The following AOPEP variants were observed in gnomAD, a reference collection of about 807,000 sequenced individuals.
AOPEP encodes aminopeptidase O (putative).
AOPEP carries 77 observed loss-of-function variants against 98.1 expected under a neutral mutation model. That is an observed-to-expected ratio of 0.78 (90% CI 0.65 to 0.95). The LOEUF is 0.95. Among genes scored for constraint, AOPEP ranks in the 40% least tolerant of loss-of-function variants. AOPEP has a pLI of 0.00. For synonymous variants in AOPEP, 346 were observed against 365.3 expected, an observed-to-expected ratio of 0.95 and a Z score of 0.60; for missense variants, 1,024 against 1,024.7, an observed-to-expected ratio of 1.00 and a Z score of 0.01.
chr9:94,785,529 A>G (rs1193346837), intron 3 of AOPEP, among the ~76,000 whole-genome samples: 1 of 152,196 alleles, frequency 6.6e-6, no homozygotes, highest in Non-Finnish European at 1.5e-5. Context: ...TCAGAAGTCC[A>G]GCTTTACAGA....
At chr9:95,085,091 C>G (rs577391593) in intron 16 of AOPEP, 1 of 372,690 alleles carries the variant, frequency 2.7e-6, no homozygotes, top group African/African-American at 2.1e-5. Flanking sequence ...GCCAACTAAA[C>G]GAACAACAAA....
chr9:95,031,028 G>T (rs1013897610), intron 13 of AOPEP, among the ~76,000 whole-genome samples: 3 of 152,148 alleles, frequency 2.0e-5, no homozygotes, highest in Non-Finnish European at 4.4e-5. Flanking sequence ...CCACTATGTT[G>T]TCTGGCCTGG....
At chr9:95,004,214 GC>G in intron 11 of AOPEP, 1 of 456,268 alleles carries the variant, frequency 2.2e-6, no homozygotes. Flanking sequence ...GCGGGTTCCA[GC>G]AACTGCTGAT....
chr9:94,771,463 T>C (rs1464215315), intron 2 of AOPEP, among the ~76,000 whole-genome samples: 2 of 152,138 alleles, frequency 1.3e-5, no homozygotes, highest in African/African-American at 2.4e-5. Context: ...TATCATGGCA[T>C]GTATACTTGT....
chr9:94,774,562 T>G (rs1189437740), intron 3 of AOPEP, among the ~76,000 whole-genome samples: 1 of 152,162 alleles, frequency 6.6e-6, no homozygotes. Context: ...TTACAGGTCG[T>G]TAAATATTTT....
chr9:94,911,107 G>C (rs778742147), intron 5 of AOPEP, among the ~76,000 whole-genome samples: 3 of 152,152 alleles, frequency 2.0e-5, no homozygotes, highest in Non-Finnish European at 1.5e-5. Context: ...TCCCCTGGAA[G>C]ACCCCAGTAC....
At position 94,980,424 on chromosome 9, in the gene AOPEP, A is replaced by G. The variant is rs59630616; in HGVS notation, c.1977+997A>G. On this transcript the variant is annotated intron_variant, in intron 11 of 16. Transcript: ENST00000375315. This position sits in a 1 kb window ranked among gnomAD's most constrained non-coding sequence, Gnocchi z 4.3. ...GGTTTCTGGTTTCATGGCTGGTTACATGAGCTTCCCCTTAGGAGGGTCTCA... is the reference window on the plus strand; with the variant it reads ...GGTTTCTGGTTTCATGGCTGGTTACGTGAGCTTCCCCTTAGGAGGGTCTCA... Among the ~76,000 whole-genome samples, 11,840 of 152,260 alleles carry G rather than the reference A, an allele frequency of 0.078. 1,160 individuals carry two copies. The highest frequency in any genetic ancestry group is 0.23 in the African/African-American group (9,411 of 41,528).
At chr9:94,978,528 G>A (rs1481633504) in intron 10 of AOPEP, among the ~76,000 whole-genome samples, 2 of 152,134 alleles carry the variant, frequency 1.3e-5, no homozygotes, top group Non-Finnish European at 2.9e-5. Context: ...CAGAGAACAG[G>A]GCGTGTGACA....
At chr9:95,052,358 GTTATTCCTTGT>G (rs2066455684) in intron 13 of AOPEP, among the ~76,000 whole-genome samples, 1 of 152,088 alleles carries the variant, frequency 6.6e-6, no homozygotes, top group Non-Finnish European at 1.5e-5. Context: ...TTTGAACTCG[GTTATTCCTTGT>G]TTAAACTCAA....
At chr9:94,808,064 A>G (rs1849631576) in intron 5 of AOPEP, among the ~76,000 whole-genome samples, 1 of 143,406 alleles carries the variant, frequency 7.0e-6, no homozygotes, top group Admixed American at 7.0e-5. Flanking sequence ...TTTTTTTGAG[A>G]CGGAGTCTCA....
chr9:94,835,494 C>T (rs977640474), intron 5 of AOPEP, among the ~76,000 whole-genome samples: 3 of 152,106 alleles, frequency 2.0e-5, no homozygotes, highest in African/African-American at 7.2e-5. Context: ...AAATAATAAC[C>T]TCTATTTTTT....
chr9:94,869,971 ATTTTTTTTTTTTTTTT>A (rs10556167), intron 5 of AOPEP, among the ~76,000 whole-genome samples: 26 of 93,554 alleles, frequency 2.8e-4, no homozygotes, highest in African/African-American at 1.0e-3. Flanking sequence ...GAAGCCATGA[ATTTTTTTTTTTTTTTT>A]TTTTTTTTTT....
At position 94,972,225 on chromosome 9, in the gene AOPEP, T is replaced by C. The variant is rs899683830; in HGVS notation, c.1916+4424T>C. Among the ~76,000 whole-genome samples the C allele has an allele frequency of 6.6e-6, 1 of 152,158 alleles. No homozygotes were observed. The highest frequency in any genetic ancestry group is 1.5e-5 in the Non-Finnish European group (1 of 68,030). On this transcript the variant is annotated intron_variant, in intron 10 of 16. Coordinates refer to ENST00000375315, the MANE Select transcript of AOPEP (RefSeq NM_001193329.3). This position sits in a 1 kb window ranked among gnomAD's most constrained non-coding sequence, Gnocchi z 4.2. ...GTGAAAGTTGAGTCCGACCTTTCTT[T>C]CTTAGCCACTAAGTCACACTCTGAA...
At chr9:95,122,702 AAAAG>A in the AOPEP span, among the ~76,000 whole-genome samples, 1 of 152,182 alleles carries the variant, frequency 6.6e-6, no homozygotes, top group African/African-American at 2.4e-5. Flanking sequence ...GCTAAGAAGA[AAAAG>A]AGGCGCGAGC....
At chr9:94,926,497 C>T (rs541390844) in intron 6 of AOPEP, among the ~76,000 whole-genome samples, 2 of 152,232 alleles carry the variant, frequency 1.3e-5, no homozygotes, top group South Asian at 2.1e-4. Flanking sequence ...GCAAAATTGC[C>T]ATTCTAGATT....
At chr9:94,795,680 G>A (rs1229612075) in intron 4 of AOPEP, among the ~76,000 whole-genome samples, 2 of 152,182 alleles carry the variant, frequency 1.3e-5, no homozygotes, top group Non-Finnish European at 2.9e-5. Context: ...CTGACTCTGT[G>A]CTCTCTCCTT....
chr9:94,732,615 A>G (rs1830811065), intron 1 of AOPEP, among the ~76,000 whole-genome samples: 1 of 152,212 alleles, frequency 6.6e-6, no homozygotes, highest in African/African-American at 2.4e-5. Context: ...GAGGATTTCT[A>G]AGAAAAAGAT....
At chr9:95,106,792 A>G in the AOPEP span, among the ~76,000 whole-genome samples, 1 of 152,130 alleles carries the variant, frequency 6.6e-6, no homozygotes, top group Non-Finnish European at 1.5e-5. Context: ...GGGACAGGAG[A>G]CCTGGCTTCT....
intron 13 of AOPEP, among the ~76,000 whole-genome samples, chr9:95,044,767 G>T (rs937836944): frequency 6.6e-6 from 1 of 152,166 alleles, no homozygotes; most frequent in Non-Finnish European, 1.5e-5. Context: ...GAAGTGCAGG[G>T]TGGGAGTCAG....
Sources: gnomAD v4.1 joint callset for allele counts (sites outside exome capture counted in the v4.1 genomes callset) on GRCh38, gnomAD v4.1.1 for gene constraint, Gnocchi (gnomAD v3.1) non-coding constraint, MANE v1.5 for transcripts, NCBI Gene and HGNC (gene_info 2026-07-23, HGNC 2026-07-21) for gene names.